Variants in CRACDL observed in about 807,000 individuals in gnomAD.
CRACDL encodes CRACD like.
CRACDL carries 26 observed loss-of-function variants against 70.6 expected under a neutral mutation model. The ratio of observed to expected loss-of-function variants is 0.37; its 90% CI spans 0.27 to 0.51. The LOEUF is 0.51. Among genes scored for constraint, CRACDL ranks in the 20% least tolerant of loss-of-function variants. The probability of loss-of-function intolerance (pLI) is 0.94; values close to 1 mark genes in which losing one functional copy is unlikely to be tolerated. For synonymous variants in CRACDL, 618 were observed against 615.2 expected (o/e 1.00, Z -0.07); for missense variants, 1,283 against 1,376.9 (o/e 0.93, Z 1.08).
intron 1 of CRACDL, among the ~76,000 whole-genome samples, chr2:98,849,046 G>C (rs1007818216): frequency 3.3e-5 from 5 of 152,352 alleles, no homozygotes; most frequent in Admixed American, 6.5e-5. Flanking sequence ...CCCACCTCTT[G>C]CAGGTGCTGA....
chr2:98,816,312 T>C (rs1209610471), intron 7 of CRACDL, among the ~76,000 whole-genome samples: 1 of 152,186 alleles, frequency 6.6e-6, no homozygotes, highest in African/African-American at 2.4e-5. Flanking sequence ...GTTTATTCCA[T>C]CTTGGTCAGA....
At chr2:98,810,948 C>T (rs566441218) in intron 7 of CRACDL, among the ~76,000 whole-genome samples, 8 of 150,970 alleles carry the variant, frequency 5.3e-5, no homozygotes, top group Non-Finnish European at 7.4e-5. Context: ...AAAAGAAAGA[C>T]GCGAGGCAGT....
In CRACDL at chr2:98,823,559, A is replaced by G; in HGVS notation, c.736-22T>C. The G allele has an allele frequency of 3.2e-6, 5 of 1,545,430 alleles. 1 individual carries two copies. The Admixed American group carries it at 9.6e-5, about 30-fold the overall frequency. On this transcript the variant is annotated intron_variant, in intron 6 of 9. Transcript: ENST00000397899. This position sits in a 1 kb window ranked among gnomAD's most constrained non-coding sequence, Gnocchi z 4.0. The stretch of plus-strand genomic sequence containing the variant: ...CGCGCTGAGAGAAATAAAGATAAAA[A>G]GCATCGTCGCTATAGCCAATTCCAG...
intron 1 of CRACDL, among the ~76,000 whole-genome samples, chr2:98,914,386 C>A (rs116762016): frequency 0.037 from 5,683 of 152,256 alleles, 353 homozygotes; most frequent in African/African-American, 0.13. Context: ...AGGTTGGGGC[C>A]CAAGCCTGAG....
At chr2:98,815,832 G>T (rs942278290) in intron 7 of CRACDL, among the ~76,000 whole-genome samples, 1 of 152,224 alleles carries the variant, frequency 6.6e-6, no homozygotes, top group Non-Finnish European at 1.5e-5. Flanking sequence ...AAAGAATCAA[G>T]AGTTGTGCCT....
intron 1 of CRACDL, among the ~76,000 whole-genome samples, chr2:98,907,744 T>G (rs1708448981): frequency 6.6e-6 from 1 of 152,238 alleles, no homozygotes; most frequent in Admixed American, 6.5e-5. Flanking sequence ...CCTTCATGCA[T>G]TCTGTCCAAT....
intron 7 of CRACDL, among the ~76,000 whole-genome samples, chr2:98,805,279 A>C (rs1440125294): frequency 6.6e-6 from 1 of 152,210 alleles, no homozygotes; most frequent in Non-Finnish European, 1.5e-5. Flanking sequence ...AATTAGAAGT[A>C]AAAGCACACA....
intron 7 of CRACDL, among the ~76,000 whole-genome samples, chr2:98,807,026 T>G (rs1704333896): frequency 6.6e-6 from 1 of 152,168 alleles, no homozygotes; most frequent in Admixed American, 6.5e-5. Context: ...ACAGCTAAGG[T>G]TTATTCCATC....
At chr2:98,825,640 C>A (rs927743552) in intron 6 of CRACDL, among the ~76,000 whole-genome samples, 1 of 152,218 alleles carries the variant, frequency 6.6e-6, no homozygotes, top group Non-Finnish European at 1.5e-5. Flanking sequence ...TCATTCAGCA[C>A]GAGTACAGGC....
chr2:98,897,176 CTT>C (rs915866466), intron 1 of CRACDL, among the ~76,000 whole-genome samples: 2 of 152,160 alleles, frequency 1.3e-5, no homozygotes, highest in African/African-American at 4.8e-5. Flanking sequence ...CGTTCTGTCT[CTT>C]TGAGAATGTC....
At chr2:98,837,010 G>A (rs1403677238) in intron 3 of CRACDL, among the ~76,000 whole-genome samples, 2 of 151,460 alleles carry the variant, frequency 1.3e-5, no homozygotes, top group South Asian at 2.1e-4. Context: ...GCGTGAACCC[G>A]GGAGGCGCAG....
At position 98,875,026 on chromosome 2, in the gene CRACDL, G is replaced by A. The variant is rs1707448528; in HGVS notation, c.-10-28216C>T. Among the ~76,000 whole-genome samples the A allele has an allele frequency of 2.0e-5, 3 of 152,188 alleles. No homozygotes were observed. In the South Asian group the frequency reaches 6.2e-4, roughly 31 times the overall value. On this transcript the variant is annotated intron_variant, in intron 1 of 9. Coordinates refer to ENST00000397899, the MANE Select transcript of CRACDL (RefSeq NM_207362.3). The stretch of plus-strand genomic sequence containing the variant: ...GTTCTTCACTTCCCTCCCACCTGGA[G>A]CCCATGTACTGCGTGCAGAACAAAC...
intron 1 of CRACDL, among the ~76,000 whole-genome samples, chr2:98,890,297 G>A (rs115179538): frequency 0.018 from 2,736 of 152,128 alleles, 87 homozygotes; most frequent in African/African-American, 0.061. Context: ...CTCAAATTAC[G>A]GAAATTAAGA....
intron 1 of CRACDL, among the ~76,000 whole-genome samples, chr2:98,907,917 GGAGTA>G (rs1486385881): frequency 1.3e-5 from 2 of 152,194 alleles, no homozygotes; most frequent in African/African-American, 4.8e-5. Context: ...GGGTGATGAG[GGAGTA>G]TTTCTTGAAG....
At chr2:98,876,140 T>C (rs1007998437) in intron 1 of CRACDL, among the ~76,000 whole-genome samples, 1 of 152,240 alleles carries the variant, frequency 6.6e-6, no homozygotes, top group Non-Finnish European at 1.5e-5. Context: ...GAGGAAATTA[T>C]ACAATTATTG....
chr2:98,905,616 G>A (rs970082464), intron 1 of CRACDL, among the ~76,000 whole-genome samples: 1 of 148,494 alleles, frequency 6.7e-6, no homozygotes, highest in African/African-American at 2.5e-5. Context: ...GTCTAAGACT[G>A]GTGTTACCTC....
intron 7 of CRACDL, among the ~76,000 whole-genome samples, chr2:98,800,610 C>T (rs77986034): frequency 1.3e-5 from 2 of 152,150 alleles, no homozygotes; most frequent in East Asian, 3.8e-4. Flanking sequence ...GACACTACCT[C>T]CTCCATGAAG....
At chr2:98,880,374 C>A (rs1207711212) in intron 1 of CRACDL, among the ~76,000 whole-genome samples, 1 of 152,210 alleles carries the variant, frequency 6.6e-6, no homozygotes, top group Non-Finnish European at 1.5e-5. Context: ...AGGCGCTGTT[C>A]TAAGTAGCTG....
At chr2:98,864,157 C>T (rs1707042090) in intron 1 of CRACDL, among the ~76,000 whole-genome samples, 1 of 151,990 alleles carries the variant, frequency 6.6e-6, no homozygotes. Flanking sequence ...AGAAATAACC[C>T]AAATATCCAT....
Sources: allele counts gnomAD v4.1 joint callset (sites outside exome capture counted in the v4.1 genomes callset), GRCh38; gene constraint gnomAD v4.1.1; non-coding constraint Gnocchi (gnomAD v3.1); transcripts MANE v1.5; gene names NCBI Gene and HGNC (gene_info 2026-07-23, HGNC 2026-07-21).